Variants in TBC1D26 observed in about 807,000 individuals in gnomAD.
TBC1D26 encodes the protein TBC1 domain family member 26, also known as TBC1 domain family, member 26.
TBC1D26 carries 19 observed loss-of-function variants against 42.5 expected under a neutral mutation model. The observed-to-expected ratio is 0.45, with a 90% confidence interval of 0.31 to 0.66. The LOEUF (loss-of-function observed/expected upper bound fraction) is 0.66, where lower values mean the gene tolerates loss of function less well. Ranked by LOEUF, TBC1D26 falls within the 30% of genes least tolerant of loss-of-function variation. The pLI, the probability that TBC1D26 is intolerant of heterozygous loss-of-function variation, is 0.06. For missense variants in TBC1D26, 228 were observed against 332.6 expected (o/e 0.69, Z 2.45); for synonymous variants, 97 against 123.5 (o/e 0.79, Z 1.42).
chr17:15,734,426 G>C (rs913191356), intron 1 of TBC1D26, among the ~76,000 whole-genome samples: 1 of 151,996 alleles, frequency 6.6e-6, no homozygotes, highest in Non-Finnish European at 1.5e-5. Context: ...TGGACACATG[G>C]GGTCCTTCAT....
chr17:15,732,826 G>T (rs548079895), intron 1 of TBC1D26, among the ~76,000 whole-genome samples: 2 of 152,298 alleles, frequency 1.3e-5, no homozygotes, highest in East Asian at 3.9e-4. Context: ...GCAGGAGGAG[G>T]TCTCACCAAC....
chr17:15,742,625 GGGCTCAGGCCCA>G (rs2151504412), intron 12 of TBC1D26, 146 bp downstream of exon 12: 1 of 170,690 alleles, frequency 5.9e-6, no homozygotes, highest in African/African-American at 2.4e-5. Context: ...GCAGAGGCCA[GGGCTCAGGCCCA>G]GCCTCATGGG....
At chr17:15,740,074 A>G (rs765308087) in intron 8 of TBC1D26, 26 bp from the exon 9 acceptor site, 2 of 1,602,790 alleles carry the variant, frequency 1.2e-6, no homozygotes, top group East Asian at 2.2e-5. Flanking sequence ...ACACAAAAAA[A>G]AAACCCTCTT....
At chr17:15,741,246 G>A (rs761027568) in intron 10 of TBC1D26, 25 bp downstream of exon 10, 1 of 1,613,034 alleles carries the variant, frequency 6.2e-7, no homozygotes, top group African/African-American at 1.3e-5. Context: ...CTGTGGGTAG[G>A]TGGACAGCTG....
chr17:15,740,981 T>G (rs1967760050), intron 9 of TBC1D26, 141 bp from the exon 10 acceptor site: 2 of 1,095,360 alleles, frequency 1.8e-6, no homozygotes, highest in Non-Finnish European at 2.6e-6. Context: ...AGGGGAGGGG[T>G]GCAGAGGCTG....
intron 12 of TBC1D26, among the ~76,000 whole-genome samples, 184 bp downstream of exon 12, chr17:15,742,663 C>A (rs532646515): frequency 6.6e-6 from 1 of 152,342 alleles, no homozygotes; most frequent in South Asian, 2.1e-4. Context: ...TGGGGCAGGA[C>A]CCGACTTGCG....
At position 15,737,267 on chromosome 17, in the gene TBC1D26, C is replaced by G. The variant is rs536022967; in HGVS notation, c.159-217C>G. On this transcript the variant is annotated intron_variant, in intron 4 of 14. Transcript: ENST00000437605. ...CCCCACGGGCTTCAAGTGTCCCCCC[C>G]ACCCAGGGCCAGCTTTGAGCTTCTT... is the stretch of plus-strand genomic sequence containing the variant. Among the ~76,000 whole-genome samples, 565 of 152,354 alleles carry G rather than the reference C, an allele frequency of 3.7e-3. 1 individual carries two copies. The highest frequency in any genetic ancestry group is 5.8e-3 in the Non-Finnish European group (396 of 68,024).
Position 15,740,083 on chromosome 17 carries a change from T to C in TBC1D26, c.498-17T>C. 3 of 1,606,746 alleles carry C rather than the reference T, an allele frequency of 1.9e-6. No homozygotes were observed. The highest frequency in any genetic ancestry group is 2.6e-6 in the Non-Finnish European group (3 of 1,175,650). ...GCACACACACAAAAAAAAAACCCTC[T>C]TTCCCCTCTTTTCTAGGCAGCAGGA... On this transcript the variant is annotated splice_polypyrimidine_tract_variant and intron_variant, in intron 8 of 14. Coordinates refer to ENST00000437605, the MANE Select transcript of TBC1D26 (RefSeq NM_001388465.1).
At chr17:15,741,629 G>A (rs973038971) in intron 10 of TBC1D26, 1 of 479,018 alleles carries the variant, frequency 2.1e-6, no homozygotes, top group African/African-American at 1.9e-5. Context: ...CCCATCCCAT[G>A]TCCCCCAGCC....
intron 1 of TBC1D26, among the ~76,000 whole-genome samples, chr17:15,732,745 G>T (rs551730374): frequency 3.9e-5 from 6 of 152,308 alleles, no homozygotes; most frequent in Admixed American, 1.3e-4. Flanking sequence ...GAGCCACTGG[G>T]ATGGAACTCC....
At chr17:15,740,021 A>G in intron 8 of TBC1D26, 79 bp from the exon 9 acceptor site, 1 of 1,540,314 alleles carries the variant, frequency 6.5e-7, no homozygotes, top group Non-Finnish European at 8.8e-7. Context: ...TGTGTTCGTT[A>G]TTTGGGTTTG....
In TBC1D26 at chr17:15,741,859, C is replaced by G. The variant is rs1967792387; in HGVS notation, c.647-83C>G. 2.8e-6 allele frequency: 4 copies of G among 1,440,084 alleles called. No individual in the cohort carries two copies. The East Asian group carries it at 6.9e-5, about 25-fold the overall frequency. The allele number at this position is 1,440,084 out of a possible 1,614,324, so 89.2% of individuals were successfully genotyped here. On this transcript the variant is annotated intron_variant, in intron 10 of 14. Transcript: ENST00000437605. The stretch of plus-strand genomic sequence containing the variant: ...AGGGAGGCCTCGGGGTCTGGGGTCC[C>G]CTGCCCTGCCCAGCTCTTCCAGCTG...
chr17:15,735,231 G>T (rs1967578926), intron 2 of TBC1D26, 117 bp from the exon 3 acceptor site: 3 of 1,081,328 alleles, frequency 2.8e-6, no homozygotes, highest in Non-Finnish European at 4.2e-6. Context: ...CATCTGGGAG[G>T]GGTAGTGGAA....
intron 4 of TBC1D26, among the ~76,000 whole-genome samples, chr17:15,737,140 C>T (rs1237678870): frequency 2.0e-5 from 3 of 151,990 alleles, no homozygotes; most frequent in African/African-American, 4.8e-5. Context: ...GCCACCCACC[C>T]TGGGTGGCAC....
Position 15,738,375 on chromosome 17 carries a change from A to G in TBC1D26, c.375A>G (p.Pro125=). The change falls in exon 7 of 15, where the codon CCA becomes CCG. Residue 125 remains proline (P), a synonymous_variant. Coordinates refer to ENST00000437605, the MANE Select transcript of TBC1D26 (RefSeq NM_001388465.1). Reference sequence around the variant, plus strand: ...TTGACAGAATCAAGTCCCAGAACCCAGGCAAATATAAGGTAAGTCCCTCCC... The same window carrying G: ...TTGACAGAATCAAGTCCCAGAACCCGGGCAAATATAAGGTAAGTCCCTCCC... ...LDIDRIKSQN[P]GKYKVMKEKG... 6.2e-7 allele frequency: 1 copy of G among 1,613,684 alleles called. No individual in the cohort carries two copies.
chr17:15,737,752 C>A (rs1484912459), intron 5 of TBC1D26: 2 of 809,082 alleles, frequency 2.5e-6, no homozygotes, highest in East Asian at 2.7e-5. Flanking sequence ...GAACCAAGAC[C>A]CCAGCTGAAG....
At position 15,739,709 on chromosome 17, in the gene TBC1D26, C is replaced by T. The variant is rs754450315; in HGVS notation, c.498-391C>T. On this transcript the variant is annotated intron_variant, in intron 8 of 14. Coordinates refer to ENST00000437605, the MANE Select transcript of TBC1D26 (RefSeq NM_001388465.1). Reference sequence around the variant, plus strand: ...CGGGAGACGTTGGCTGCAAAGGGGACGTGCTGGGGACTTGGAAGATGAAGG... The same window carrying T: ...CGGGAGACGTTGGCTGCAAAGGGGATGTGCTGGGGACTTGGAAGATGAAGG... 7.9e-4 allele frequency among the ~76,000 whole-genome samples: 120 copies of T among 152,398 alleles called. No individual in the cohort carries two copies. In the Middle Eastern group the frequency reaches 0.01, roughly 13 times the overall value.
chr17:15,738,961 G>A lies in TBC1D26; in HGVS notation c.497+131G>A. The A allele has an allele frequency of 2.3e-6, 3 of 1,306,416 alleles. No individual in the cohort carries two copies. In the South Asian group the frequency reaches 3.9e-5, roughly 17 times the overall value. 80.9% of individuals were successfully genotyped at this position (1,306,416 alleles called of 1,614,324 possible). ...GCCACCAAGGGCTCTCCTGGCCCAGGGAGCAGCCGGCACCATGGACTGAGC... is the reference window on the plus strand; with the variant it reads ...GCCACCAAGGGCTCTCCTGGCCCAGAGAGCAGCCGGCACCATGGACTGAGC... On this transcript the variant is annotated intron_variant, in intron 8 of 14. Coordinates refer to ENST00000437605, the MANE Select transcript of TBC1D26 (RefSeq NM_001388465.1).
At chr17:15,733,075 TG>T (rs1392715622) in intron 1 of TBC1D26, among the ~76,000 whole-genome samples, 45 of 150,998 alleles carry the variant, frequency 3.0e-4, no homozygotes, top group Admixed American at 6.6e-5. Context: ...ATCAGGGGCC[TG>T]GTCAGCAGAG....
Sources: allele counts gnomAD v4.1 joint callset (sites outside exome capture counted in the v4.1 genomes callset), GRCh38; gene constraint gnomAD v4.1.1; transcripts MANE v1.5; gene names NCBI Gene and HGNC (gene_info 2026-07-23, HGNC 2026-07-21).